Variants in CEP95 observed in about 807,000 individuals in gnomAD.
The protein encoded by CEP95 is centrosomal protein of 95 kDa.
A neutral mutation model predicts 111.2 loss-of-function variants in CEP95; 98 were observed. The observed-to-expected ratio is 0.88, with a 90% confidence interval of 0.75 to 1.04. The LOEUF (loss-of-function observed/expected upper bound fraction) is 1.04. CEP95 is among the 50% of genes least tolerant of loss of function. CEP95 has a pLI of 0.00. For synonymous variants in CEP95, 323 were observed against 327.1 expected, an observed-to-expected ratio of 0.99 and a Z score of 0.14; for missense variants, 1,027 against 977.2, an observed-to-expected ratio of 1.05 and a Z score of -0.68.
In CEP95 at chr17:64,532,023, G is replaced by A. The variant is rs1968316597; in HGVS notation, c.1672+1G>A. 6.4e-7 allele frequency: 1 copy of A among 1,569,268 alleles called. No individual in the cohort carries two copies. The highest frequency in any genetic ancestry group is 1.4e-5 in the African/African-American group (1 of 72,342). ...CCAAAGCCAAATAAAGCAGTTCCAA[G>A]TAAGAACCACAGAATTGTACTTTAT... On this transcript the variant is annotated splice_donor_variant, in intron 14 of 19. Transcript: ENST00000556440. LOFTEE classifies it high-confidence loss of function.
chr17:64,520,404 C>CTTTAAAG (rs1466906498), intron 6 of CEP95: 1 of 151,456 alleles, frequency 6.6e-6, no homozygotes, highest in Admixed American at 6.6e-5. Context: ...TGTCAGATAA[C>CTTTAAAG]TGTCATATAC....
chr17:64,533,282 C>A, intron 16 of CEP95, 91 bp downstream of exon 16: 2 of 997,198 alleles, frequency 2.0e-6, no homozygotes, highest in Non-Finnish European at 1.5e-6. Context: ...TGCACAGACC[C>A]TTAACCTCTT....
chr17:64,534,031 TAGAG>T, intron 16 of CEP95: 1 of 152,214 alleles, frequency 6.6e-6, no homozygotes, highest in Non-Finnish European at 1.5e-5. Flanking sequence ...GAGTGTGGAG[TAGAG>T]ATAAGCCATG....
chr17:64,508,643 G>A lies in CEP95; in HGVS notation c.71G>A (p.Arg24Lys), dbSNP rs782784729. The A allele has an allele frequency of 1.0e-5, 15 of 1,463,624 alleles. No individual in the cohort carries two copies. Among genetic ancestry groups the A allele is most frequent in the Non-Finnish European group, 1.2e-5 (13 of 1,099,008 alleles). The allele number at this position is 1,463,624 out of a possible 1,614,324, so 90.7% of individuals were successfully genotyped here. A position where few individuals can be genotyped will look rare whatever the true frequency, so the allele number is the denominator to read the frequency against. ...NLLFKCHIHL[R>K]IHELQDCDAN... ...CTTTTTAAGTGTCATATACATCTGA[G>A]AATACATGAACTTCAAGACTGTGAT... The change falls in exon 2 of 20, where the codon AGA becomes AAA. Residue 24 changes from arginine (R) to lysine (K), a missense_variant. Transcript: ENST00000556440.
At chr17:64,529,493 A>AC (rs1555679867) in intron 12 of CEP95, 66 bp downstream of exon 12, 1 of 1,501,860 alleles carries the variant, frequency 6.7e-7, no homozygotes, top group South Asian at 1.2e-5. Context: ...GCCAGATGCT[A>AC]CCATGAACAT....
chr17:64,525,624 A>G, intron 8 of CEP95, 146 bp from the exon 9 acceptor site: 2 of 553,472 alleles, frequency 3.6e-6, no homozygotes, highest in South Asian at 2.1e-5. Flanking sequence ...CTGGGTGTCA[A>G]TAGGGTCTTT....
chr17:64,530,338 T>A (rs1470053309), intron 12 of CEP95, among the ~76,000 whole-genome samples: 2 of 151,852 alleles, frequency 1.3e-5, no homozygotes, highest in Non-Finnish European at 2.9e-5. Context: ...GTGAGCTGAG[T>A]TTGTGCCACT....
At chr17:64,511,740 T>C (rs973058158) in intron 3 of CEP95, among the ~76,000 whole-genome samples, 8 of 152,130 alleles carry the variant, frequency 5.3e-5, no homozygotes, top group African/African-American at 1.7e-4. Flanking sequence ...AGGGTATTGA[T>C]TGGGGAAGTG....
intron 11 of CEP95, among the ~76,000 whole-genome samples, 181 bp from the exon 12 acceptor site, chr17:64,529,107 A>G (rs1488014894): frequency 6.6e-6 from 1 of 152,174 alleles, no homozygotes; most frequent in Non-Finnish European, 1.5e-5. Context: ...GACAGTACAC[A>G]TTTGTATGCA....
intron 5 of CEP95, among the ~76,000 whole-genome samples, chr17:64,518,699 A>G (rs535402746): frequency 6.6e-6 from 1 of 150,580 alleles, no homozygotes; most frequent in Admixed American, 6.6e-5. Flanking sequence ...TTTTTTTTTG[A>G]GACAGAGTTT....
chr17:64,533,730 A>C (rs1325805940), intron 16 of CEP95, among the ~76,000 whole-genome samples: 2 of 152,160 alleles, frequency 1.3e-5, no homozygotes, highest in African/African-American at 4.8e-5. Context: ...GAAAACCCTG[A>C]AGCTTTGAGA....
chr17:64,508,344 G>T, intron 1 of CEP95: 1 of 1,014,882 alleles, frequency 9.9e-7, no homozygotes, highest in African/African-American at 1.7e-5. Context: ...AGTATCAATT[G>T]AATTTGCAGT....
At chr17:64,507,782 G>A in intron 1 of CEP95, 22 of 985,528 alleles carry the variant, frequency 2.2e-5, no homozygotes, top group Non-Finnish European at 2.5e-5. Flanking sequence ...AGAACGTTAC[G>A]TGTCCAGAAC....
intron 12 of CEP95, among the ~76,000 whole-genome samples, 173 bp from the exon 13 acceptor site, chr17:64,530,753 C>T (rs1968216776): frequency 1.3e-5 from 2 of 152,162 alleles, no homozygotes; most frequent in Admixed American, 1.3e-4. Flanking sequence ...GGTGATCCAC[C>T]TGTCTCATCC....
At chr17:64,530,865 C>G (rs1555680110) in intron 12 of CEP95, 61 bp from the exon 13 acceptor site, 2 of 935,784 alleles carry the variant, frequency 2.1e-6, no homozygotes, top group Non-Finnish European at 3.2e-6. Context: ...CCAGCTAAGC[C>G]ATGGTGCTGC....
chr17:64,510,787 C>CTGA (rs1404097496), intron 3 of CEP95, among the ~76,000 whole-genome samples: 1 of 152,186 alleles, frequency 6.6e-6, no homozygotes, highest in African/African-American at 2.4e-5. Flanking sequence ...CTGGGCTCAG[C>CTGA]TGATCCACCT....
In CEP95 at chr17:64,534,656, C is replaced by A; in HGVS notation, c.1989C>A (p.Ile663=). 20 of 1,613,648 alleles carry A rather than the reference C, an allele frequency of 1.2e-5. No individual in the cohort carries two copies. Among genetic ancestry groups the A allele is most frequent in the Non-Finnish European group, 1.7e-5 (20 of 1,179,678 alleles). Residue 663 remains isoleucine, a synonymous_variant, in exon 17 of 20, where the codon ATC becomes ATA. Coordinates refer to ENST00000556440, the MANE Select transcript of CEP95 (RefSeq NM_138363.3). ...AGATAAAAGAAAATCGACAGCAAAT[C>A]GTTCGTGCTCGAAAATATTATGATG... ...QSKIKENRQQ[I]VRARKYYDDY... is the part of the protein sequence containing the mutation.
At chr17:64,507,900 C>G in intron 1 of CEP95, 2 of 985,312 alleles carry the variant, frequency 2.0e-6, no homozygotes, top group Non-Finnish European at 2.4e-6. Flanking sequence ...GTACAGAAAC[C>G]GTTAAACTTT....
At chr17:64,528,089 T>C (rs1196924331) in intron 11 of CEP95, among the ~76,000 whole-genome samples, 1 of 151,964 alleles carries the variant, frequency 6.6e-6, no homozygotes, top group East Asian at 1.9e-4. Context: ...CCCACCAAAG[T>C]GATTGCACTG....
Sources: allele counts gnomAD v4.1 joint callset (sites outside exome capture counted in the v4.1 genomes callset), GRCh38; gene constraint gnomAD v4.1.1; transcripts MANE v1.5; gene names NCBI Gene and HGNC (gene_info 2026-07-23, HGNC 2026-07-21).